The following ZEB1 variants were observed in gnomAD, a reference collection of about 807,000 sequenced individuals.
ZEB1 encodes zinc finger E-box-binding homeobox 1.
ZEB1 carries 21 observed loss-of-function variants against 84.9 expected under a neutral mutation model. The ratio of observed to expected loss-of-function variants is 0.25; its 90% CI spans 0.18 to 0.36. The LOEUF is 0.36. Among genes scored for constraint, ZEB1 ranks in the 10% least tolerant of loss-of-function variants. The probability of loss-of-function intolerance (pLI) is 1.00; values close to 1 mark genes in which losing one functional copy is unlikely to be tolerated. For synonymous variants in ZEB1, 420 were observed against 471.1 expected, an observed-to-expected ratio of 0.89 and a Z score of 1.41; for missense variants, 1,104 against 1,330.2, an observed-to-expected ratio of 0.83 and a Z score of 2.65.
chr10:31,383,492 T>C (rs1028896841), intron 1 of ZEB1, among the ~76,000 whole-genome samples: 1 of 152,180 alleles, frequency 6.6e-6, no homozygotes, highest in Admixed American at 6.5e-5. Flanking sequence ...TGGAAAGTGA[T>C]AGTCATAATT....
At chr10:31,502,810 C>T (rs1016509969) in intron 4 of ZEB1, among the ~76,000 whole-genome samples, 1 of 152,148 alleles carries the variant, frequency 6.6e-6, no homozygotes, top group South Asian at 2.1e-4. Flanking sequence ...GAGAACTATA[C>T]CTTTACTGCC....
chr10:31,323,404 G>T (rs1331870065), intron 1 of ZEB1, among the ~76,000 whole-genome samples: 1 of 152,042 alleles, frequency 6.6e-6, no homozygotes, highest in African/African-American at 2.4e-5. Context: ...TGTAGACTTA[G>T]ACTATGGATG....
Position 31,520,356 on chromosome 10 carries a change from C to A in ZEB1, c.1024C>A (p.Leu342Ile). 1 of 1,613,936 alleles carries A rather than the reference C, an allele frequency of 6.2e-7. No homozygotes were observed. Among genetic ancestry groups the A allele is most frequent in the Non-Finnish European group, 8.5e-7 (1 of 1,179,916 alleles). The change falls in exon 7 of 9, where the codon CTT (leucine) becomes ATT (isoleucine). Residue 342 changes from leucine to isoleucine, a missense_variant. Coordinates refer to ENST00000424869, the MANE Select transcript of ZEB1 (RefSeq NM_001174096.2). This position sits in a 1 kb window ranked among gnomAD's most constrained non-coding sequence, Gnocchi z 5.1. ...AGAGAATAAACCCCTTCAAGAACAACTTTCTGTTAACCAAATTAAAACTGA... is the reference window on the plus strand; with the variant it reads ...AGAGAATAAACCCCTTCAAGAACAAATTTCTGTTAACCAAATTAAAACTGA... The part of the protein sequence containing the change: ...KIENKPLQEQ[L>I]SVNQIKTEPV...
chr10:31,339,050 C>T (rs1564512312), intron 1 of ZEB1, among the ~76,000 whole-genome samples: 1 of 152,080 alleles, frequency 6.6e-6, no homozygotes, highest in Non-Finnish European at 1.5e-5. Flanking sequence ...AGGCACCAGG[C>T]AAAGAGAGAA....
intron 1 of ZEB1, among the ~76,000 whole-genome samples, chr10:31,422,989 A>G (rs1371962382): frequency 6.6e-6 from 1 of 152,034 alleles, no homozygotes; most frequent in Non-Finnish European, 1.5e-5. Context: ...TGCTGCCGCA[A>G]AGGACATGAT....
chr10:31,456,660 C>G (rs1311298693), intron 1 of ZEB1, among the ~76,000 whole-genome samples: 3 of 152,116 alleles, frequency 2.0e-5, no homozygotes, highest in African/African-American at 7.2e-5. Context: ...CTGGCTTTCA[C>G]TCTTCAACTT....
intron 1 of ZEB1, among the ~76,000 whole-genome samples, chr10:31,370,835 C>T (rs1174406528): frequency 2.6e-5 from 4 of 151,974 alleles, no homozygotes; most frequent in Non-Finnish European, 4.4e-5. Flanking sequence ...ATGACTGGAC[C>T]TGTTTCTTTA....
intron 1 of ZEB1, among the ~76,000 whole-genome samples, chr10:31,354,601 C>G (rs2041836912): frequency 6.6e-6 from 1 of 152,112 alleles, no homozygotes; most frequent in South Asian, 2.1e-4. Flanking sequence ...CCAGGAATTA[C>G]TTTGGCGAGG....
intron 2 of ZEB1, among the ~76,000 whole-genome samples, chr10:31,484,926 CT>C (rs953992606): frequency 1.3e-5 from 2 of 151,898 alleles, no homozygotes; most frequent in African/African-American, 4.8e-5. Flanking sequence ...TGTTGCAGCA[CT>C]TTTGCAATGA....
At chr10:31,440,530 C>G (rs1353458498) in intron 1 of ZEB1, among the ~76,000 whole-genome samples, 1 of 152,100 alleles carries the variant, frequency 6.6e-6, no homozygotes, top group South Asian at 2.1e-4. Flanking sequence ...CACTCCTATT[C>G]AACATATTGT....
At chr10:31,514,465 C>T in intron 5 of ZEB1, 138 bp from the exon 6 acceptor site, 1 of 687,426 alleles carries the variant, frequency 1.5e-6, no homozygotes, top group Non-Finnish European at 2.5e-6. Flanking sequence ...ATTTTTGTGA[C>T]TGCTGCAATT....
intron 1 of ZEB1, chr10:31,319,868 CCGGGCTGTGGGCGCGCGGCAGG>C (rs1329162572): frequency 6.8e-6 from 1 of 146,954 alleles, no homozygotes; most frequent in Admixed American, 6.8e-5. Context: ...GCGACTCGGG[CCGGGCTGTGGGCGCGCGGCAGG>C]CGGGCTGCGG....
intron 2 of ZEB1, among the ~76,000 whole-genome samples, chr10:31,469,732 G>A (rs1484007864): frequency 6.6e-6 from 1 of 152,220 alleles, no homozygotes; most frequent in African/African-American, 2.4e-5. Context: ...AGGCCTGCCT[G>A]CCTCTGTAGG....
chr10:31,325,782 T>G (rs2035347703), intron 1 of ZEB1, among the ~76,000 whole-genome samples: 1 of 152,050 alleles, frequency 6.6e-6, no homozygotes, highest in Non-Finnish European at 1.5e-5. Context: ...TAAAATATTC[T>G]AATTTTAAAT....
chr10:31,381,412 T>C (rs1004211846), intron 1 of ZEB1, among the ~76,000 whole-genome samples: 6 of 152,210 alleles, frequency 3.9e-5, no homozygotes, highest in African/African-American at 1.4e-4. Flanking sequence ...ATGTTAGATC[T>C]TTGGAAAATA....
At chr10:31,453,131 A>G (rs1303105785) in intron 1 of ZEB1, among the ~76,000 whole-genome samples, 2 of 152,136 alleles carry the variant, frequency 1.3e-5, no homozygotes, top group Non-Finnish European at 2.9e-5. Flanking sequence ...TAGGGGCTTG[A>G]TGGCAATGAG....
At chr10:31,494,189 G>A (rs1444293593) in intron 2 of ZEB1, among the ~76,000 whole-genome samples, 1 of 151,792 alleles carries the variant, frequency 6.6e-6, no homozygotes, top group Non-Finnish European at 1.5e-5. Flanking sequence ...CGAGAAAAAG[G>A]GGGTGCTAGA....
intron 1 of ZEB1, among the ~76,000 whole-genome samples, chr10:31,410,346 T>A (rs557987915): frequency 6.6e-6 from 1 of 152,268 alleles, no homozygotes; most frequent in East Asian, 1.9e-4. Flanking sequence ...TCATCCCAGG[T>A]ATGAAGCTGA....
chr10:31,414,271 C>G (rs1477193533), intron 1 of ZEB1, among the ~76,000 whole-genome samples: 5 of 152,096 alleles, frequency 3.3e-5, no homozygotes, highest in Admixed American at 6.6e-5. Context: ...TCTATCTTCT[C>G]AACTGGTAAT....
Sources: gnomAD v4.1 joint callset for allele counts (sites outside exome capture counted in the v4.1 genomes callset) on GRCh38, gnomAD v4.1.1 for gene constraint, Gnocchi (gnomAD v3.1) non-coding constraint, MANE v1.5 for transcripts, NCBI Gene and HGNC (gene_info 2026-07-23, HGNC 2026-07-21) for gene names.